FLT4: variants seen among roughly 807,000 people sequenced by gnomAD.
The protein encoded by FLT4 is fms related receptor tyrosine kinase 4.
Under a neutral mutation model 163.2 loss-of-function variants are expected in FLT4, and 30 were observed. That is an observed-to-expected ratio of 0.18 (90% CI 0.14 to 0.25). The LOEUF is 0.25. Ranked by LOEUF, FLT4 falls within the 10% of genes least tolerant of loss-of-function variation. The pLI is 1.00. For synonymous variants in FLT4, 884 were observed against 789.5 expected, an observed-to-expected ratio of 1.12 and a Z score of -2.01; for missense variants, 1,510 against 1,863.8, an observed-to-expected ratio of 0.81 and a Z score of 3.50.
At position 180,632,525 on chromosome 5, in the gene FLT4, T is replaced by C. The variant is rs192530020; in HGVS notation, c.59-747A>G. On this transcript the variant is annotated intron_variant, in intron 1 of 29. Coordinates refer to ENST00000261937, the MANE Select transcript of FLT4 (RefSeq NM_182925.5). ...GAAACCCACCATCAGCCAGAGACTG[T>C]AGGCTGGCCGGGCTGGGCCTTCTGT... Among the ~76,000 whole-genome samples, 12 of 152,272 alleles carry C rather than the reference T, an allele frequency of 7.9e-5. No individual in the cohort carries two copies. The East Asian group carries it at 1.4e-3, about 17-fold the overall frequency.
intron 28 of FLT4, 96 bp from the exon 29 acceptor site, chr5:180,609,149 C>T (rs1761982894): frequency 7.2e-6 from 7 of 973,196 alleles, no homozygotes; most frequent in South Asian, 5.1e-5. Context: ...GGTCCTGCAG[C>T]GCGGCTGACC....
chr5:180,619,092 C>G lies in FLT4; in HGVS notation c.2779G>C (p.Val927Leu), dbSNP rs1762907090. ...TKPQGPLMVI[V>L]EFCKYGNLSN... ...AGGTTGCCGTACTTGCAGAACTCCACGATCACCATGAGGGGGCCTGCGGCG... is the reference window on the plus strand; with the variant it reads ...AGGTTGCCGTACTTGCAGAACTCCAGGATCACCATGAGGGGGCCTGCGGCG... Residue 927 changes from valine to leucine, a missense_variant, in exon 20 of 30, where the codon GTG becomes CTG. Val to Leu is a conservative substitution (Grantham distance 32, BLOSUM62 1). Around this residue, in one of 5 missense-constraint regions of FLT4, gnomAD observed 878 missense variants for 1,016.7 expected, o/e 0.86. Coordinates refer to ENST00000261937, the MANE Select transcript of FLT4 (RefSeq NM_182925.5). The G allele has an allele frequency of 1.3e-6, 2 of 1,555,772 alleles. No homozygotes were observed. Among genetic ancestry groups the G allele is most frequent in the Non-Finnish European group, 1.7e-6 (2 of 1,152,050 alleles).
intron 1 of FLT4, among the ~76,000 whole-genome samples, chr5:180,647,638 A>AT (rs1765549011): frequency 1.3e-5 from 2 of 151,248 alleles, no homozygotes; most frequent in South Asian, 4.2e-4. Flanking sequence ...CCGCCATGGC[A>AT]TCCCCCATCA....
chr5:180,629,560 G>C, intron 6 of FLT4, 133 bp from the exon 7 acceptor site: 1 of 1,452,502 alleles, frequency 6.9e-7, no homozygotes, highest in South Asian at 1.2e-5. Flanking sequence ...TTCTTTGGGT[G>C]GAACACTTGC....
intron 26 of FLT4, 140 bp from the exon 27 acceptor site, chr5:180,611,619 CCGCCCT>C: frequency 1.1e-6 from 1 of 881,598 alleles, no homozygotes; most frequent in Non-Finnish European, 1.8e-6. Context: ...GCTCTCGCCC[CCGCCCT>C]CGCCCTGCCC....
Position 180,603,315 on chromosome 5 carries a change from C to G in FLT4, c.3969G>C (p.Glu1323Asp). Residue 1323 changes from glutamate (E) to aspartate (D), a missense_variant, in exon 30 of 30, where the codon GAG becomes GAC. Around this residue, in one of 5 missense-constraint regions of FLT4, gnomAD observed 295 missense variants for 311.0 expected, o/e 0.95. Coordinates refer to ENST00000261937, the MANE Select transcript of FLT4 (RefSeq NM_182925.5). The part of the protein sequence containing the change: ...PDSQGRRRRP[E>D]RGARGGQVFY... ...ACACCTGGCCTCCTCGGGCCCCCCG[C>G]TCAGGCCGCCGCCGCCTCCCTTGGG... 2 of 1,613,986 alleles carry G rather than the reference C, an allele frequency of 1.2e-6. No individual in the cohort carries two copies. The highest frequency in any genetic ancestry group is 1.7e-6 in the Non-Finnish European group (2 of 1,179,968).
chr5:180,633,003 C>T (rs553990299), intron 1 of FLT4, among the ~76,000 whole-genome samples: 7 of 151,912 alleles, frequency 4.6e-5, no homozygotes, highest in African/African-American at 1.2e-4. Context: ...AGGCCCCTCC[C>T]GTCCAACACG....
Position 180,601,661 on chromosome 5 carries a change from C to A in FLT4, c.*1531G>T. 4.3e-6 allele frequency: 1 copy of A among 233,308 alleles called. No homozygotes were observed. Among genetic ancestry groups the A allele is most frequent in the East Asian group, 6.0e-5 (1 of 16,592 alleles). The allele number at this position is 233,308 out of a possible 1,614,324, so 14.5% of individuals were successfully genotyped here. ...AGGAGAAGGGAGCAGAGGTGCGCGC[C>A]AGGAGCCAGGCTGGTTCTCTGCAGA... On this transcript the variant is annotated 3_prime_UTR_variant, in exon 30 of 30. Transcript: ENST00000261937.
At chr5:180,604,128 A>C (rs1761664422) in intron 29 of FLT4, among the ~76,000 whole-genome samples, 1 of 152,116 alleles carries the variant, frequency 6.6e-6, no homozygotes, top group African/African-American at 2.4e-5. Context: ...GACTCGACTC[A>C]AACAGCAAAG....
chr5:180,612,532 C>T lies in FLT4; in HGVS notation c.3511G>A (p.Asp1171Asn), dbSNP rs745459631. The T allele has an allele frequency of 3.1e-6, 5 of 1,613,238 alleles. No homozygotes were observed. In the African/African-American group the frequency reaches 6.7e-5, roughly 22 times the overall value. The change falls in exon 26 of 30, where the codon GAC becomes AAC. Residue 1171 changes from aspartate to asparagine, a missense_variant. By Grantham distance (23) the Asp-to-Asn change is conservative. Transcript: ENST00000261937. Reference protein sequence around the residue: ...AFSELVEILGDLLQGRGLQEE... With the variant: ...AFSELVEILGNLLQGRGLQEE... ...TGCAGGCCCCTGCCCTGGAGCAGGT[C>T]CCCCAGGATCTCCACCAGCTCCGAG...
Position 180,619,046 on chromosome 5 carries a change from T to G in FLT4, c.2825A>C (p.Lys942Thr). 1 of 1,555,270 alleles carries G rather than the reference T, an allele frequency of 6.4e-7. No homozygotes were observed. Among genetic ancestry groups the G allele is most frequent in the Non-Finnish European group, 8.7e-7 (1 of 1,151,120 alleles). The change falls in exon 20 of 30, where the codon AAG becomes ACG. Residue 942 changes from lysine to threonine, a missense_variant. By Grantham distance (78) the Lys-to-Thr change is moderately conservative (BLOSUM62 -1). This residue lies in a region of FLT4 where 878 missense variants were observed against 1,016.7 expected (regional missense o/e 0.86). Coordinates refer to ENST00000261937, the MANE Select transcript of FLT4 (RefSeq NM_182925.5). ...CGCGCAGGGGCTGAAGGCGTCCCGC[T>G]TGGCGCGCAGGAAGTTGGAGAGGTT... Reference protein sequence around the residue: ...YGNLSNFLRAKRDAFSPCAEK... With the variant: ...YGNLSNFLRATRDAFSPCAEK...
chr5:180,637,625 C>T (rs565134603), intron 1 of FLT4, among the ~76,000 whole-genome samples: 10 of 152,270 alleles, frequency 6.6e-5, no homozygotes, highest in South Asian at 4.1e-4. Context: ...GTCCACCTTC[C>T]GGGTTCAAGT....
At chr5:180,614,634 G>A (rs557944872) in intron 23 of FLT4, among the ~76,000 whole-genome samples, 180 of 152,136 alleles carry the variant, frequency 1.2e-3, no homozygotes, top group Non-Finnish European at 2.0e-3. Flanking sequence ...AGGCATCTCC[G>A]CCGCCGGCTG....
chr5:180,614,021 C>T (rs2127797214), intron 24 of FLT4, 47 bp downstream of exon 24: 1 of 1,330,860 alleles, frequency 7.5e-7, no homozygotes. Flanking sequence ...AACCTGCCGC[C>T]AGTGACCTCG....
At position 180,621,062 on chromosome 5, in the gene FLT4, C is replaced by T. The variant is rs1161836614; in HGVS notation, c.2167+44G>A. ...CACCTGGGTTTGGGATCGTCGGCCTCGCGGGCCTCCGGACCTGCCCTTCGC... is the reference window on the plus strand; with the variant it reads ...CACCTGGGTTTGGGATCGTCGGCCTTGCGGGCCTCCGGACCTGCCCTTCGC... On this transcript the variant is annotated intron_variant, in intron 14 of 29. Coordinates refer to ENST00000261937, the MANE Select transcript of FLT4 (RefSeq NM_182925.5). The T allele has an allele frequency of 3.1e-6, 5 of 1,612,200 alleles. No individual in the cohort carries two copies. In the African/African-American group the frequency reaches 4.0e-5, roughly 13 times the overall value.
At chr5:180,612,228 C>T (rs1163920547) in intron 26 of FLT4, among the ~76,000 whole-genome samples, 1 of 152,170 alleles carries the variant, frequency 6.6e-6, no homozygotes, top group Admixed American at 6.5e-5. Flanking sequence ...CCTCACAGGC[C>T]GGGGGGGACC....
At position 180,629,192 on chromosome 5, in the gene FLT4, T is replaced by C. The variant is rs399108; in HGVS notation, c.985+67A>G. On this transcript the variant is annotated intron_variant, in intron 7 of 29. Transcript: ENST00000261937. ...TCCCTCTGGCTGGACTCCTGAGTGC[T>C]CAAGGGCACCGTGAGCTCTGGGCCC... 0.51 allele frequency: 819,915 copies of C among 1,594,032 alleles called. 212,714 individuals are homozygous for C. Among genetic ancestry groups the C allele is most frequent in the Admixed American group, 0.57 (34,277 of 59,810 alleles).
intron 1 of FLT4, among the ~76,000 whole-genome samples, chr5:180,645,572 G>A (rs1401719767): frequency 2.0e-5 from 3 of 152,166 alleles, no homozygotes; most frequent in African/African-American, 4.8e-5. Context: ...TGACCTCGCC[G>A]GCCACGTGGC....
intron 1 of FLT4, among the ~76,000 whole-genome samples, chr5:180,642,023 A>C (rs1183329493): frequency 6.6e-6 from 1 of 152,148 alleles, no homozygotes; most frequent in Non-Finnish European, 1.5e-5. Flanking sequence ...CCTGGCCAAC[A>C]TGGTGAAACC....
Sources: gnomAD v4.1 joint callset for allele counts (sites outside exome capture counted in the v4.1 genomes callset) on GRCh38, gnomAD v4.1.1 for gene constraint, gnomAD v4.1.1 regional missense constraint, MANE v1.5 for transcripts, NCBI Gene and HGNC (gene_info 2026-07-23, HGNC 2026-07-21) for gene names.